Variants in FHIP1A observed in about 807,000 individuals in gnomAD.
The protein encoded by FHIP1A is FHF complex subunit HOOK interacting protein 1A, also known as FHF complex subunit HOOK-interacting protein 1A.
FHIP1A carries 61 observed loss-of-function variants against 88.6 expected under a neutral mutation model. The ratio of observed to expected loss-of-function variants is 0.69; its 90% CI spans 0.56 to 0.85. The LOEUF is 0.85. Ranked by LOEUF, FHIP1A falls within the 40% of genes least tolerant of loss-of-function variation. The probability of loss-of-function intolerance (pLI) is 0.00; values close to 1 mark genes in which losing one functional copy is unlikely to be tolerated. For synonymous variants in FHIP1A, 478 were observed against 496.0 expected (o/e 0.96, Z 0.48); for missense variants, 1,154 against 1,273.5 (o/e 0.91, Z 1.43).
intron 3 of FHIP1A, among the ~76,000 whole-genome samples, chr4:151,501,193 C>T (rs1730637483): frequency 6.6e-6 from 1 of 152,162 alleles, no homozygotes; most frequent in South Asian, 2.1e-4. Context: ...TTTGGATCAA[C>T]AACTTTTTGG....
chr4:151,443,071 G>T (rs1332936110), intron 1 of FHIP1A, among the ~76,000 whole-genome samples: 1 of 152,072 alleles, frequency 6.6e-6, no homozygotes, highest in Non-Finnish European at 1.5e-5. Flanking sequence ...AGGAGTTTAA[G>T]ACCAGCCTAG....
Position 151,582,847 on chromosome 4 carries a change from A to G in FHIP1A, c.733-3794A>G, listed in dbSNP as rs1235909657. 4.6e-5 allele frequency among the ~76,000 whole-genome samples: 7 copies of G among 152,354 alleles called. No homozygotes were observed. The East Asian group carries it at 1.4e-3, about 29-fold the overall frequency. ...TTTAAATGAGCTGTTGAATACATCT[A>G]TATTTAAACTTTTAATAATTTAATT... On this transcript the variant is annotated intron_variant, in intron 5 of 13. Transcript: ENST00000435205.
At chr4:151,537,198 C>T (rs935195403) in intron 3 of FHIP1A, among the ~76,000 whole-genome samples, 1 of 151,816 alleles carries the variant, frequency 6.6e-6, no homozygotes. Flanking sequence ...AAGAAACTGC[C>T]AAATGTTTTC....
chr4:151,591,901 A>G lies in FHIP1A; in HGVS notation c.978+2975A>G, dbSNP rs148785913. Reference sequence around the variant, plus strand: ...TTTGGGTTGGTTCCAAGTCTTTGCTATTGTTAATAGTGCTGTAATATATAT... The same window carrying G: ...TTTGGGTTGGTTCCAAGTCTTTGCTGTTGTTAATAGTGCTGTAATATATAT... On this transcript the variant is annotated intron_variant, in intron 7 of 13. Transcript: ENST00000435205. 5.3e-3 allele frequency among the ~76,000 whole-genome samples: 809 copies of G among 152,096 alleles called. 6 individuals are homozygous for G. The highest frequency in any genetic ancestry group is 0.019 in the African/African-American group (786 of 41,478).
At chr4:151,414,062 T>C (rs1292474648) in intron 1 of FHIP1A, among the ~76,000 whole-genome samples, 8 of 151,728 alleles carry the variant, frequency 5.3e-5, no homozygotes, top group African/African-American at 1.5e-4. Flanking sequence ...GTTTGTTTTT[T>C]TTTTTTGAGA....
At position 151,577,984 on chromosome 4, in the gene FHIP1A, C is replaced by T. The variant is rs1338132286; in HGVS notation, c.640C>T (p.Gln214Ter). Residue 214 changes from glutamine to a stop codon, truncating the protein, a stop_gained, in exon 5 of 14, where the codon CAA (glutamine) becomes TAA (stop). Transcript: ENST00000435205. LOFTEE classifies it high-confidence loss of function. ...TCACCGAGAGGGGTCAGTAGGCCAG[C>T]AAGCTCGGGATGCATTGCTCTTCAT... ...FIHREGSVGQ[Q>*]ARDALLFIMS... The T allele has an allele frequency of 6.4e-6, 10 of 1,551,242 alleles. No homozygotes were observed. Among genetic ancestry groups the T allele is most frequent in the Non-Finnish European group, 8.7e-6 (10 of 1,146,936 alleles).
chr4:151,530,574 C>T (rs973949568), intron 3 of FHIP1A, among the ~76,000 whole-genome samples: 3 of 152,188 alleles, frequency 2.0e-5, no homozygotes, highest in Non-Finnish European at 4.4e-5. Flanking sequence ...TTGGGCTTCT[C>T]TAGTGGTTCA....
At chr4:151,518,160 G>A (rs1230457398) in intron 3 of FHIP1A, among the ~76,000 whole-genome samples, 1 of 152,090 alleles carries the variant, frequency 6.6e-6, no homozygotes, top group Non-Finnish European at 1.5e-5. Flanking sequence ...CCCTAAGCAG[G>A]TGTATGATTT....
In FHIP1A at chr4:151,592,140, C is replaced by CT. The variant is rs879889175; in HGVS notation, c.978+3226dup. Among the ~76,000 whole-genome samples the CT allele has an allele frequency of 4.7e-3, 683 of 146,782 alleles. 8 individuals are homozygous for CT. The highest frequency in any genetic ancestry group is 0.029 in the Admixed American group (429 of 14,698). On this transcript the variant is annotated intron_variant, in intron 7 of 13. Transcript: ENST00000435205. ...CTCTCCAGCATCTGTTGTTTCCAGA[C>CT]TTTTTTTTTTTTGAGACGGAGTCTC...
At chr4:151,573,636 G>A (rs1057123061) in intron 4 of FHIP1A, among the ~76,000 whole-genome samples, 13 of 152,034 alleles carry the variant, frequency 8.6e-5, no homozygotes, top group Non-Finnish European at 1.9e-4. Flanking sequence ...CCAGGTATGG[G>A]AAATGAGTCA....
At position 151,663,703 on chromosome 4, in the gene FHIP1A, G is replaced by C. The variant is rs1462538224; in HGVS notation, c.*949G>C. On this transcript the variant is annotated 3_prime_UTR_variant, in exon 14 of 14. Transcript: ENST00000435205. ...GGGATGGGGAGATAAACTAAATGCA[G>C]CCTGTAAAAACACTGATCATTATTT... The C allele has an allele frequency of 2.6e-5, 4 of 152,166 alleles. No individual in the cohort carries two copies. The highest frequency in any genetic ancestry group is 9.7e-5 in the African/African-American group (4 of 41,430). The allele number at this position is 152,166 out of a possible 1,614,324, so 9.4% of individuals were successfully genotyped here.
At chr4:151,585,481 A>G (rs1734176713) in intron 5 of FHIP1A, among the ~76,000 whole-genome samples, 1 of 152,136 alleles carries the variant, frequency 6.6e-6, no homozygotes, top group South Asian at 2.1e-4. Flanking sequence ...CCCTGGCCCC[A>G]TAGCTGGCTC....
chr4:151,526,298 C>T (rs530869568), intron 3 of FHIP1A, among the ~76,000 whole-genome samples: 4 of 152,044 alleles, frequency 2.6e-5, no homozygotes, highest in Non-Finnish European at 4.4e-5. Flanking sequence ...GGGTGGTGGC[C>T]GGGCAGAGGA....
chr4:151,485,703 C>T (rs1730059673), intron 3 of FHIP1A, among the ~76,000 whole-genome samples: 2 of 152,080 alleles, frequency 1.3e-5, no homozygotes, highest in African/African-American at 4.8e-5. Context: ...ACAATCCTCC[C>T]ACCTCAGCTT....
intron 7 of FHIP1A, among the ~76,000 whole-genome samples, chr4:151,591,257 T>C (rs1734416703): frequency 6.6e-6 from 1 of 151,906 alleles, no homozygotes; most frequent in Middle Eastern, 3.2e-3. Flanking sequence ...AACAAAGAAG[T>C]CTAGAACTGG....
chr4:151,579,728 G>A (rs1426466870), intron 5 of FHIP1A, among the ~76,000 whole-genome samples: 1 of 152,150 alleles, frequency 6.6e-6, no homozygotes. Flanking sequence ...CTTGTAGATA[G>A]TGTATAGATG....
intron 4 of FHIP1A, among the ~76,000 whole-genome samples, chr4:151,575,898 T>G (rs1032763358): frequency 6.6e-6 from 1 of 152,108 alleles, no homozygotes; most frequent in East Asian, 1.9e-4. Flanking sequence ...GCACAGAACA[T>G]GTAACAGCAC....
At chr4:151,430,773 A>C (rs1166501498) in intron 1 of FHIP1A, among the ~76,000 whole-genome samples, 1 of 152,208 alleles carries the variant, frequency 6.6e-6, no homozygotes, top group East Asian at 1.9e-4. Flanking sequence ...CTTACCTTTG[A>C]GAAAATGCAC....
chr4:151,651,007 G>A (rs191288318), intron 11 of FHIP1A, among the ~76,000 whole-genome samples: 109 of 152,270 alleles, frequency 7.2e-4, no homozygotes, highest in Non-Finnish European at 1.4e-3. Flanking sequence ...TGAGGGTGGA[G>A]CTCTTTCCCT....
Sources: gnomAD v4.1 joint callset for allele counts (sites outside exome capture counted in the v4.1 genomes callset) on GRCh38, gnomAD v4.1.1 for gene constraint, MANE v1.5 for transcripts, NCBI Gene and HGNC (gene_info 2026-07-23, HGNC 2026-07-21) for gene names.